The following TUSC3 variants were observed in gnomAD, a reference collection of about 807,000 sequenced individuals.
TUSC3 encodes tumor suppressor candidate 3.
In TUSC3, 45 loss-of-function variants were observed where a neutral mutation model predicts 44.8. The ratio of observed to expected loss-of-function variants is 1.00; its 90% CI spans 0.79 to 1.29. The LOEUF is 1.29. TUSC3 is among the 50% of genes most tolerant of loss of function. The pLI is 0.00. For synonymous variants in TUSC3, 212 were observed against 152.9 expected (o/e 1.39, Z -2.85); for missense variants, 519 against 437.9 (o/e 1.19, Z -1.65).
intron 6 of TUSC3, among the ~76,000 whole-genome samples, chr8:15,685,253 G>A (rs1177317985): frequency 1.3e-5 from 2 of 152,040 alleles, no homozygotes; most frequent in East Asian, 1.9e-4. Context: ...GTGTGCTGCC[G>A]AAATTCCTTC....
At chr8:15,794,035 A>C in the TUSC3 span, among the ~76,000 whole-genome samples, 1 of 152,198 alleles carries the variant, frequency 6.6e-6, no homozygotes, top group African/African-American at 2.4e-5. Context: ...CCTTGCCCCA[A>C]GTGTTGCCTG....
chr8:15,785,414 A>G, the TUSC3 span, among the ~76,000 whole-genome samples: 25 of 151,674 alleles, frequency 1.6e-4, no homozygotes, highest in East Asian at 3.7e-3. Flanking sequence ...GCATTATCAT[A>G]TTAAAAGTAC....
At chr8:15,797,183 A>G in the TUSC3 span, among the ~76,000 whole-genome samples, 1 of 152,178 alleles carries the variant, frequency 6.6e-6, no homozygotes, top group African/African-American at 2.4e-5. Context: ...CCAAAATGGA[A>G]AGCGTATTTC....
chr8:15,448,218 A>T lies in TUSC3; in HGVS notation n.91+30913A>T, dbSNP rs199679737. Reference sequence around the variant, plus strand: ...ACTGCAACCTCTGCCTCCTGGGTTCAAGCAATTCTCATGCCTCACCCTCTC... The same window carrying T: ...ACTGCAACCTCTGCCTCCTGGGTTCTAGCAATTCTCATGCCTCACCCTCTC... On this transcript the variant is annotated intron_variant and non_coding_transcript_variant, in intron 1 of 5. Coordinates refer to the TUSC3 transcript ENST00000503191. 7.9e-5 allele frequency among the ~76,000 whole-genome samples: 12 copies of T among 151,000 alleles called. No individual in the cohort carries two copies. The East Asian group carries it at 2.3e-3, about 29-fold the overall frequency.
chr8:15,642,218 C>A (rs541815942), intron 2 of TUSC3, among the ~76,000 whole-genome samples: 4 of 152,218 alleles, frequency 2.6e-5, no homozygotes, highest in South Asian at 2.1e-4. Context: ...AGATCTCTCT[C>A]TATACAATAT....
intron 1 of TUSC3, among the ~76,000 whole-genome samples, chr8:15,441,961 C>T (rs73191110): frequency 0.14 from 21,738 of 152,124 alleles, 1,689 homozygotes; most frequent in Middle Eastern, 0.22. Flanking sequence ...CGGTCTCATT[C>T]CCCCAAAATA....
intron 9 of TUSC3, 91 bp from the exon 10 acceptor site, chr8:15,757,700 T>C: frequency 6.9e-7 from 1 of 1,446,168 alleles, no homozygotes; most frequent in Non-Finnish European, 9.7e-7. Context: ...AATGTAGTGC[T>C]AAATCTTGTA....
chr8:15,743,056 A>T (rs1019689839), intron 7 of TUSC3, among the ~76,000 whole-genome samples: 1 of 152,236 alleles, frequency 6.6e-6, no homozygotes, highest in Non-Finnish European at 1.5e-5. Flanking sequence ...TGTTAATTGT[A>T]TAACCCCAGA....
the TUSC3 span, among the ~76,000 whole-genome samples, chr8:15,833,220 C>T: frequency 6.6e-6 from 1 of 152,064 alleles, no homozygotes; most frequent in Admixed American, 6.6e-5. Context: ...CAGGTGCTGG[C>T]AAGGTTGCGG....
chr8:15,425,931 G>C (rs955165897), intron 1 of TUSC3, among the ~76,000 whole-genome samples: 1 of 152,164 alleles, frequency 6.6e-6, no homozygotes, highest in African/African-American at 2.4e-5. Context: ...TGAGAGGATC[G>C]CTTGAGCCCA....
At chr8:15,818,609 G>C in the TUSC3 span, among the ~76,000 whole-genome samples, 38 of 152,274 alleles carry the variant, frequency 2.5e-4, 1 homozygote, top group African/African-American at 7.5e-4. Context: ...GACTGACACG[G>C]AGGATCAGAA....
At chr8:15,782,262 T>C in the TUSC3 span, among the ~76,000 whole-genome samples, 2 of 152,304 alleles carry the variant, frequency 1.3e-5, no homozygotes, top group African/African-American at 4.8e-5. Context: ...TGCTTGAGGC[T>C]GGGAGTTCAA....
At chr8:15,732,994 G>T (rs945281135) in intron 7 of TUSC3, among the ~76,000 whole-genome samples, 3 of 152,146 alleles carry the variant, frequency 2.0e-5, no homozygotes, top group African/African-American at 7.2e-5. Flanking sequence ...CTACTGTGAG[G>T]AGTACTTGTT....
intron 2 of TUSC3, among the ~76,000 whole-genome samples, chr8:15,629,554 T>TG (rs1805665590): frequency 3.0e-5 from 1 of 33,328 alleles, no homozygotes; most frequent in Non-Finnish European, 7.5e-5. Flanking sequence ...GGCCATCTTG[T>TG]TTTTTTTTTT....
intron 1 of TUSC3, among the ~76,000 whole-genome samples, chr8:15,607,336 T>G (rs866233907): frequency 1.3e-5 from 2 of 152,140 alleles, no homozygotes; most frequent in Non-Finnish European, 2.9e-5. Context: ...GAATTTATAA[T>G]TTAGTGATAG....
At chr8:15,674,385 G>A (rs540781928) in intron 6 of TUSC3, among the ~76,000 whole-genome samples, 38 of 152,130 alleles carry the variant, frequency 2.5e-4, no homozygotes, top group African/African-American at 8.4e-4. Flanking sequence ...TACGTTTGGT[G>A]AATAGGAAAT....
the TUSC3 span, among the ~76,000 whole-genome samples, chr8:15,822,253 A>C: frequency 1.3e-5 from 2 of 152,196 alleles, no homozygotes; most frequent in African/African-American, 4.8e-5. Flanking sequence ...TTGACTATTC[A>C]AGTGGAGAGA....
chr8:15,708,819 CA>C (rs1353529533), intron 6 of TUSC3, among the ~76,000 whole-genome samples: 1 of 151,752 alleles, frequency 6.6e-6, no homozygotes, highest in East Asian at 1.9e-4. Flanking sequence ...AAACAGAAAA[CA>C]GTCCAAATCC....
At chr8:15,796,339 C>A in the TUSC3 span, among the ~76,000 whole-genome samples, 5 of 152,110 alleles carry the variant, frequency 3.3e-5, no homozygotes, top group African/African-American at 1.2e-4. Flanking sequence ...TTTCACAGTT[C>A]TTGATCCCAA....
Sources: gnomAD v4.1 joint callset for allele counts (sites outside exome capture counted in the v4.1 genomes callset) on GRCh38, gnomAD v4.1.1 for gene constraint, MANE v1.5 for transcripts, NCBI Gene and HGNC (gene_info 2026-07-23, HGNC 2026-07-21) for gene names.